FBXO27: variants seen among roughly 807,000 people sequenced by gnomAD.
FBXO27 encodes F-box protein 27.
FBXO27 carries 28 observed loss-of-function variants against 28.3 expected under a neutral mutation model. The ratio of observed to expected loss-of-function variants is 0.99; its 90% CI spans 0.73 to 1.36. FBXO27 has a LOEUF of 1.36. Ranked by LOEUF, FBXO27 falls within the 40% of genes most tolerant of loss-of-function variation. The probability of loss-of-function intolerance (pLI) is 0.00; values close to 1 mark genes in which losing one functional copy is unlikely to be tolerated. For synonymous variants in FBXO27, 175 were observed against 167.3 expected (o/e 1.05, Z -0.36); for missense variants, 388 against 394.1 (o/e 0.98, Z 0.13).
At position 39,031,037 on chromosome 19, in the gene FBXO27, G is replaced by A. The variant is rs750993674; in HGVS notation, c.564C>T (p.Val188=). The A allele has an allele frequency of 2.5e-6, 4 of 1,613,742 alleles. No individual in the cohort carries two copies. The highest frequency in any genetic ancestry group is 2.5e-6 in the Non-Finnish European group (3 of 1,179,776). The change falls in exon 4 of 6, where the codon GTC becomes GTT. Residue 188 remains valine, a synonymous_variant. Coordinates refer to ENST00000292853, the MANE Select transcript of FBXO27 (RefSeq NM_178820.5). ...LLDSGRIEIC[V]SDWWGARHDS... is the part of the protein sequence containing the mutation. ...TTAATCGTCACACTCACCAGTCAGA[G>A]ACACAAATCTCAATCCTGCCACTAT...
chr19:39,022,265 G>A (rs1465800361), downstream of FBXO27, among the ~76,000 whole-genome samples: 7 of 146,590 alleles, frequency 4.8e-5, no homozygotes, highest in Non-Finnish European at 5.9e-5. Flanking sequence ...CTGTCAAGTA[G>A]CTGAGACTAC....
At chr19:39,009,072 T>A (rs1317225528) in intron 2 of FBXO27, among the ~76,000 whole-genome samples, 1 of 152,254 alleles carries the variant, frequency 6.6e-6, no homozygotes, top group East Asian at 1.9e-4. Flanking sequence ...TCTGCCCGCC[T>A]TGGCCTCCTA....
At position 39,032,061 on chromosome 19, in the gene FBXO27, C is replaced by A; in HGVS notation, c.167G>T (p.Gly56Val). The A allele has an allele frequency of 6.5e-7, 1 of 1,530,762 alleles. No homozygotes were observed. The highest frequency in any genetic ancestry group is 2.1e-5 in the Admixed American group (1 of 47,492). 94.8% of individuals were successfully genotyped at this position (1,530,762 alleles called of 1,614,324 possible). ...CTGGCCGTCCACCAGGGCTCGCCAGCCCCGGCACACTTGGCGGCAGCGCCC... is the reference window on the plus strand; with the variant it reads ...CTGGCCGTCCACCAGGGCTCGCCAGACCCGGCACACTTGGCGGCAGCGCCC... ...LLGRCRQVCR[G>V]WRALVDGQAL... is the part of the protein sequence containing the mutation. Residue 56 changes from glycine to valine, a missense_variant, in exon 2 of 6, where the codon GGC becomes GTC. Transcript: ENST00000292853. This position sits in a 1 kb window ranked among gnomAD's most constrained non-coding sequence, Gnocchi z 4.7.
intron 4 of FBXO27, among the ~76,000 whole-genome samples, chr19:39,027,979 G>A (rs1270783877): frequency 6.6e-6 from 1 of 151,586 alleles, no homozygotes; most frequent in Non-Finnish European, 1.5e-5. Context: ...GGTGGCTCAC[G>A]CCTGTAATCC....
rs760092557 is a variant in FBXO27, at chr19:39,031,055, GC to G, written c.545del (p.Gly182AlafsTer28). 6.2e-7 allele frequency: 1 copy of G among 1,614,026 alleles called. No individual in the cohort carries two copies. Among genetic ancestry groups the G allele is most frequent in the Non-Finnish European group, 8.5e-7 (1 of 1,179,962 alleles). On this transcript the variant is annotated frameshift_variant, in exon 4 of 6. Coordinates refer to ENST00000292853, the MANE Select transcript of FBXO27 (RefSeq NM_178820.5). LOFTEE classifies it high-confidence loss of function. ...AGTCAGAGACACAAATCTCAATCCT[GC>G]CACTATCCAGCAGTTCTGGCCACAG... The part of the protein sequence containing the change: ...EGLWPELLDS[G>X]RIEICVSDWW...
At chr19:39,007,479 G>T (rs1190215587) in intron 2 of FBXO27, among the ~76,000 whole-genome samples, 1 of 152,088 alleles carries the variant, frequency 6.6e-6, no homozygotes, top group East Asian at 1.9e-4. Flanking sequence ...CAGTCCAGCA[G>T]CTTGGAAAGG....
At chr19:39,016,535 T>C (rs2072820769) in intron 1 of FBXO27, among the ~76,000 whole-genome samples, 1 of 148,396 alleles carries the variant, frequency 6.7e-6, no homozygotes, top group African/African-American at 2.5e-5. Flanking sequence ...GAAGATAACT[T>C]GAACTCAGGA....
intron 1 of FBXO27, among the ~76,000 whole-genome samples, chr19:39,015,146 T>G (rs948895483): frequency 2.7e-5 from 4 of 149,254 alleles, no homozygotes; most frequent in Admixed American, 2.0e-4. Context: ...CAAAACCCCC[T>G]CTCTACAAAA....
chr19:39,028,939 G>A (rs2072887470), intron 4 of FBXO27, among the ~76,000 whole-genome samples: 1 of 151,850 alleles, frequency 6.6e-6, no homozygotes, highest in South Asian at 2.1e-4. Context: ...TTACTCAGGA[G>A]GCTGAGGTGG....
chr19:39,025,631 A>G, intron 5 of FBXO27, 77 bp from the exon 6 acceptor site: 1 of 1,504,612 alleles, frequency 6.6e-7, no homozygotes, highest in Non-Finnish European at 8.9e-7. Context: ...CTTCTGGAAG[A>G]TGGTTATTTT....
At chr19:39,027,649 G>T (rs532623806) in intron 4 of FBXO27, among the ~76,000 whole-genome samples, 1 of 152,026 alleles carries the variant, frequency 6.6e-6, no homozygotes, top group Admixed American at 6.6e-5. Context: ...TTATTGAATT[G>T]TGAAGGTGGT....
chr19:39,015,009 C>T (rs2072812827), intron 1 of FBXO27, among the ~76,000 whole-genome samples: 1 of 119,184 alleles, frequency 8.4e-6, no homozygotes. Context: ...CAGAGCAAGA[C>T]TCTGTCTCAA....
chr19:39,025,628 A>G (rs2072869087), intron 5 of FBXO27, 74 bp from the exon 6 acceptor site: 1 of 1,509,498 alleles, frequency 6.6e-7, no homozygotes, highest in African/African-American at 1.4e-5. Flanking sequence ...GGCCTTCTGG[A>G]AGATGGTTAT....
At position 39,025,432 on chromosome 19, in the gene FBXO27, G is replaced by T. The variant is rs1020876736; in HGVS notation, c.831C>A (p.Ile277=). The T allele has an allele frequency of 6.2e-7, 1 of 1,613,802 alleles. No homozygotes were observed. Among genetic ancestry groups the T allele is most frequent in the Non-Finnish European group, 8.5e-7 (1 of 1,179,924 alleles). ...YGARVTNSSV[I]VRVRLS is the part of the protein sequence containing the mutation. ...TGGACTAGGACAGACGGACTCGCACGATCACACTGGAGTTGGTCACACGGG... is the reference window on the plus strand; with the variant it reads ...TGGACTAGGACAGACGGACTCGCACTATCACACTGGAGTTGGTCACACGGG... Residue 277 remains isoleucine, a synonymous_variant, in exon 6 of 6, where the codon ATC becomes ATA. Coordinates refer to ENST00000292853, the MANE Select transcript of FBXO27 (RefSeq NM_178820.5).
At position 39,032,053 on chromosome 19, in the gene FBXO27, C is replaced by T. The variant is rs764069272; in HGVS notation, c.175G>A (p.Ala59Thr). 11 of 1,528,916 alleles carry T rather than the reference C, an allele frequency of 7.2e-6. No homozygotes were observed. The East Asian group carries it at 3.0e-4, about 41-fold the overall frequency. 94.7% of individuals were successfully genotyped at this position (1,528,916 alleles called of 1,614,324 possible). ...CACAGGGCCTGGCCGTCCACCAGGG[C>T]TCGCCAGCCCCGGCACACTTGGCGG... is the stretch of plus-strand genomic sequence containing the variant. ...RCRQVCRGWR[A>T]LVDGQALWLL... The change falls in exon 2 of 6, where the codon GCC (alanine) becomes ACC (threonine). Residue 59 changes from alanine to threonine, a missense_variant. Coordinates refer to ENST00000292853, the MANE Select transcript of FBXO27 (RefSeq NM_178820.5). This position sits in a 1 kb window ranked among gnomAD's most constrained non-coding sequence, Gnocchi z 4.7.
chr19:39,011,787 T>C (rs2072795773), intron 2 of FBXO27, among the ~76,000 whole-genome samples: 1 of 151,318 alleles, frequency 6.6e-6, no homozygotes, highest in Admixed American at 6.6e-5. Context: ...TGTTGAGAAT[T>C]ATAGGCATAA....
rs546317672 is a variant in FBXO27 at position 39,032,456 on chromosome 19, A to C, written c.-27+47T>G. ...GTGTGTATGCCCCGAATTGCATGCAATCAGCCCCCCTCGGCGGCCGCACCG... is the reference window on the plus strand; with the variant it reads ...GTGTGTATGCCCCGAATTGCATGCACTCAGCCCCCCTCGGCGGCCGCACCG... On this transcript the variant is annotated intron_variant, in intron 1 of 5. Transcript: ENST00000292853. The surrounding 1 kb of genome is among the most constrained non-coding windows in gnomAD (Gnocchi z 4.7). 4.4e-4 allele frequency: 245 copies of C among 551,260 alleles called. 1 individual carries two copies. The highest frequency in any genetic ancestry group is 4.2e-3 in the African/African-American group (211 of 49,750). 34.1% of individuals were successfully genotyped at this position (551,260 alleles called of 1,614,324 possible). A position where few individuals can be genotyped will look rare whatever the true frequency, so the allele number is the denominator to read the frequency against.
At chr19:39,019,370 A>C (rs1230889278), downstream of FBXO27, among the ~76,000 whole-genome samples, 1 of 126,042 alleles carries the variant, frequency 7.9e-6, no homozygotes, top group Non-Finnish European at 1.6e-5. Context: ...GCTTGTGGTG[A>C]GCCGAGATCG....
At chr19:39,007,908 TC>T (rs2072776993) in intron 2 of FBXO27, among the ~76,000 whole-genome samples, 1 of 152,054 alleles carries the variant, frequency 6.6e-6, no homozygotes, top group Non-Finnish European at 1.5e-5. Flanking sequence ...TGCCTCGGCC[TC>T]CCAAAGTGCT....
Sources: allele counts gnomAD v4.1 joint callset (sites outside exome capture counted in the v4.1 genomes callset), GRCh38; gene constraint gnomAD v4.1.1; non-coding constraint Gnocchi (gnomAD v3.1); transcripts MANE v1.5; gene names NCBI Gene and HGNC (gene_info 2026-07-23, HGNC 2026-07-21).